PSMA6: variants seen among roughly 807,000 people sequenced by gnomAD.
The protein encoded by PSMA6 is proteasome subunit alpha type-6.
For synonymous variants in PSMA6, 88 were observed against 97.7 expected (o/e 0.90, Z 0.59); for missense variants, 170 against 294.8 (o/e 0.58, Z 3.10).
At chr14:35,316,406 GAAAGGAAATATATGT>G (rs1370947908) in intron 6 of PSMA6, 13 of 148,552 alleles carry the variant, frequency 8.8e-5, no homozygotes, top group African/African-American at 3.2e-4. Flanking sequence ...AAAAAAAAGA[GAAAGGAAATATATGT>G]TCAACATGGA....
chr14:35,298,781 T>C (rs1044721396), intron 1 of PSMA6, among the ~76,000 whole-genome samples: 3 of 152,186 alleles, frequency 2.0e-5, no homozygotes, highest in Non-Finnish European at 2.9e-5. Context: ...TTGCCCAGGC[T>C]GGAGTACAGT....
Position 35,308,043 on chromosome 14 carries a change from C to T in PSMA6, c.126C>T (p.Val42=), listed in dbSNP as rs1218540839. Residue 42 remains valine (V), a synonymous_variant, in exon 2 of 7, where the codon GTC becomes GTT. Transcript: ENST00000261479. Reference sequence around the variant, plus strand: ...AGGGTGGCCTTACATCAGTAGCTGTCAGAGGGAAAGACTGTGCAGTAATTG... The same window carrying T: ...AGGGTGGCCTTACATCAGTAGCTGTTAGAGGGAAAGACTGTGCAGTAATTG... ...INQGGLTSVA[V]RGKDCAVIVT... 10 of 1,613,844 alleles carry T rather than the reference C, an allele frequency of 6.2e-6. No homozygotes were observed. Among genetic ancestry groups the T allele is most frequent in the Non-Finnish European group, 8.5e-6 (10 of 1,179,930 alleles).
upstream of PSMA6, among the ~76,000 whole-genome samples, chr14:35,290,898 A>G (rs188979568): frequency 6.6e-6 from 1 of 152,292 alleles, no homozygotes; most frequent in East Asian, 1.9e-4. Context: ...ATGCAACACT[A>G]GCTGCTCTAA....
chr14:35,292,883 T>C (rs1340130488), intron 1 of PSMA6: 1 of 510,144 alleles, frequency 2.0e-6, no homozygotes, highest in Non-Finnish European at 3.8e-6. Context: ...ACAAGGTCTG[T>C]TTCTAAAGGG....
chr14:35,300,836 A>G (rs2051697293), intron 1 of PSMA6, among the ~76,000 whole-genome samples: 1 of 152,138 alleles, frequency 6.6e-6, no homozygotes, highest in Admixed American at 6.6e-5. Flanking sequence ...AAGAGTGATA[A>G]CCCAGGTTTG....
At chr14:35,303,313 T>C (rs991635424) in intron 1 of PSMA6, among the ~76,000 whole-genome samples, 1 of 152,242 alleles carries the variant, frequency 6.6e-6, no homozygotes, top group Non-Finnish European at 1.5e-5. Flanking sequence ...TGTGTTGTTA[T>C]GGAATCTGCT....
intron 1 of PSMA6, among the ~76,000 whole-genome samples, chr14:35,306,976 A>G (rs1220461789): frequency 6.6e-6 from 1 of 151,880 alleles, no homozygotes; most frequent in Non-Finnish European, 1.5e-5. Context: ...GTGAAACCCC[A>G]TCTTTACTAA....
chr14:35,286,694 C>T (rs189943212), intron 1 of PSMA6, among the ~76,000 whole-genome samples: 1 of 152,218 alleles, frequency 6.6e-6, no homozygotes, highest in Non-Finnish European at 1.5e-5. Flanking sequence ...CCCTCTCAAA[C>T]CAAAGGACAG....
chr14:35,295,222 A>C (rs148465315), intron 1 of PSMA6, among the ~76,000 whole-genome samples: 20 of 151,518 alleles, frequency 1.3e-4, no homozygotes, highest in Non-Finnish European at 2.8e-4. Flanking sequence ...CTGTAGTCCT[A>C]CCTCCTCAGG....
intron 1 of PSMA6, 76 bp from the exon 2 acceptor site, chr14:35,307,918 T>A: frequency 1.4e-6 from 2 of 1,401,392 alleles, no homozygotes; most frequent in Non-Finnish European, 2.0e-6. Flanking sequence ...TTCTCATTCT[T>A]TTTAATGACT....
chr14:35,301,932 GGAAAT>G (rs2051721495), intron 1 of PSMA6, among the ~76,000 whole-genome samples: 1 of 152,074 alleles, frequency 6.6e-6, no homozygotes, highest in African/African-American at 2.4e-5. Flanking sequence ...AAAGATAACA[GGAAAT>G]GGTGGGACCT....
chr14:35,291,423 T>C (rs2051478153), upstream of PSMA6, among the ~76,000 whole-genome samples: 1 of 152,080 alleles, frequency 6.6e-6, no homozygotes. Flanking sequence ...GGTTTCACCG[T>C]GTTAGCCAGG....
At chr14:35,296,500 T>G (rs1206326498) in intron 1 of PSMA6, among the ~76,000 whole-genome samples, 7 of 151,940 alleles carry the variant, frequency 4.6e-5, no homozygotes, top group Admixed American at 1.3e-4. Flanking sequence ...CCGGCTAGTT[T>G]TTGTATTTTT....
intron 1 of PSMA6, among the ~76,000 whole-genome samples, chr14:35,306,714 C>G (rs1038328570): frequency 1.3e-5 from 2 of 151,948 alleles, no homozygotes; most frequent in East Asian, 3.9e-4. Flanking sequence ...ATCTTACTGT[C>G]GAAAGACAGC....
At chr14:35,315,222 C>T (rs1017926464) in intron 6 of PSMA6, 1 of 152,080 alleles carries the variant, frequency 6.6e-6, no homozygotes. Context: ...TCTTAGATCA[C>T]AACCATAAAG....
chr14:35,298,458 C>G (rs1052344540), intron 1 of PSMA6, among the ~76,000 whole-genome samples: 4 of 151,526 alleles, frequency 2.6e-5, no homozygotes, highest in African/African-American at 9.7e-5. Context: ...CTGCTGCACT[C>G]TAGCCTGGGC....
intron 1 of PSMA6, among the ~76,000 whole-genome samples, chr14:35,299,107 G>C (rs1164036218): frequency 6.6e-6 from 1 of 151,996 alleles, no homozygotes; most frequent in African/African-American, 2.4e-5. Context: ...GCTCACTGTA[G>C]CCTCAAACTC....
chr14:35,281,213 G>A (rs917186706), intron 1 of PSMA6, among the ~76,000 whole-genome samples: 1 of 152,070 alleles, frequency 6.6e-6, no homozygotes, highest in African/African-American at 2.4e-5. Flanking sequence ...CATCTTTTCA[G>A]TTCTAAACCT....
chr14:35,279,491 A>G (rs1004284504), intron 1 of PSMA6, among the ~76,000 whole-genome samples: 1 of 152,228 alleles, frequency 6.6e-6, no homozygotes, highest in African/African-American at 2.4e-5. Flanking sequence ...TCAGAAGGAA[A>G]TCTGTGTTCA....
Sources: gnomAD v4.1 joint callset for allele counts (sites outside exome capture counted in the v4.1 genomes callset) on GRCh38, gnomAD v4.1.1 for gene constraint, MANE v1.5 for transcripts, NCBI Gene and HGNC (gene_info 2026-07-23, HGNC 2026-07-21) for gene names.